CTSV: variants seen among roughly 807,000 people sequenced by gnomAD.
The protein encoded by CTSV is cathepsin V.
Under a neutral mutation model 35.6 loss-of-function variants are expected in CTSV, and 33 were observed. The observed-to-expected ratio is 0.93, with a 90% CI of 0.70 to 1.24. CTSV has a LOEUF of 1.24. Among genes scored for constraint, CTSV ranks in the 50% most tolerant of loss-of-function variants. CTSV has a pLI of 0.00. For missense variants in CTSV, 408 were observed against 413.1 expected, an observed-to-expected ratio of 0.99 and a Z score of 0.11; for synonymous variants, 154 against 147.1, an observed-to-expected ratio of 1.05 and a Z score of -0.34.
chr9:97,037,544 G>C lies in CTSV; in HGVS notation c.198C>G (p.Tyr66Ter), dbSNP rs147486049. 2 of 1,614,052 alleles carry C rather than the reference G, an allele frequency of 1.2e-6. No homozygotes were observed. The highest frequency in any genetic ancestry group is 2.7e-5 in the African/African-American group (2 of 74,908). ...MKMIELHNGEYSQGKHGFTMA... is the reference protein window; with the variant it reads ...MKMIELHNGE ...TTGTGAAGCCATGTTTCCCTTGGCT[G>C]TATTCCCCATTGTGCAGTTCAATCA... is the stretch of plus-strand genomic sequence containing the variant. The change falls in exon 3 of 8, where the codon TAC (tyrosine) becomes TAG (stop). Residue 66 changes from tyrosine to a stop codon, truncating the protein, a stop_gained. Coordinates refer to ENST00000259470, the MANE Select transcript of CTSV (RefSeq NM_001333.4). LOFTEE classifies it high-confidence loss of function.
chr9:97,033,587 G>T (rs1218950428), intron 7 of CTSV, among the ~76,000 whole-genome samples: 3 of 151,724 alleles, frequency 2.0e-5, no homozygotes, highest in African/African-American at 7.3e-5. Flanking sequence ...ACTTCAGCCT[G>T]GGCAAGAAGA....
At position 97,035,685 on chromosome 9, in the gene CTSV, G is replaced by A; in HGVS notation, c.630C>T (p.Ile210=). 6.6e-7 allele frequency: 1 copy of A among 1,519,320 alleles called. No individual in the cohort carries two copies. Among genetic ancestry groups the A allele is most frequent in the Non-Finnish European group, 8.9e-7 (1 of 1,127,618 alleles). The allele number at this position is 1,519,320 out of a possible 1,614,324, so 94.1% of individuals were successfully genotyped here. A position where few individuals can be genotyped will look rare whatever the true frequency, so the allele number is the denominator to read the frequency against. The change falls in exon 6 of 8, where the codon ATC becomes ATT. Residue 210 remains isoleucine (I), a synonymous_variant. Transcript: ENST00000259470. ...ESYPYVAVDE[I]CKYRPENSVA... ...CAGAATTCTCAGGTCTGTACTTACA[G>A]ATTTCATCCTTTTAAAGTTAAAGGG...
rs1007857690 is a variant in CTSV, at chr9:97,037,908, T to C, written c.126+10A>G. 8.1e-6 allele frequency: 13 copies of C among 1,613,650 alleles called. No homozygotes were observed. The African/African-American group carries it at 1.7e-4, about 22-fold the overall frequency. On this transcript the variant is annotated intron_variant, in intron 2 of 7. Transcript: ENST00000259470. ...CAGAGTCCCTCTGGACAGTTTCAGA[T>C]GTTACCAACCGCGCCATATAATCTT...
chr9:97,036,586 G>T lies in CTSV; in HGVS notation c.558C>A (p.Ala186=). 1 of 1,614,054 alleles carries T rather than the reference G, an allele frequency of 6.2e-7. No homozygotes were observed. Among genetic ancestry groups the T allele is most frequent in the Non-Finnish European group, 8.5e-7 (1 of 1,180,026 alleles). The change falls in exon 5 of 8, where the codon GCC becomes GCA. Residue 186 remains alanine (A), a synonymous_variant. Coordinates refer to ENST00000259470, the MANE Select transcript of CTSV (RefSeq NM_001333.4). The stretch of plus-strand genomic sequence containing the variant: ...CTCCGTTCTCCTTGACATACTGGAA[G>T]GCCCTAGCCATGAAGCCACCATTGC... ...QGCNGGFMAR[A]FQYVKENGGL...
chr9:97,035,692 T>G lies in CTSV; in HGVS notation c.623A>C (p.Asp208Ala), dbSNP rs1037620358. The stretch of plus-strand genomic sequence containing the variant: ...CTCAGGTCTGTACTTACAGATTTCA[T>G]CCTTTTAAAGTTAAAGGGGGAGAGA... ...SEESYPYVAVDEICKYRPENS... is the reference protein window; with the variant it reads ...SEESYPYVAVAEICKYRPENS... The change falls in exon 6 of 8, where the codon GAT becomes GCT. Residue 208 changes from aspartate (D) to alanine (A), a missense_variant and splice_region_variant. Physicochemically the swap from Asp to Ala is moderately radical, Grantham distance 126. Coordinates refer to ENST00000259470, the MANE Select transcript of CTSV (RefSeq NM_001333.4). 3.7e-5 allele frequency: 56 copies of G among 1,507,462 alleles called. No individual in the cohort carries two copies. The highest frequency in any genetic ancestry group is 5.0e-5 in the Non-Finnish European group (56 of 1,120,596). The allele number at this position is 1,507,462 out of a possible 1,614,324, so 93.4% of individuals were successfully genotyped here. A position where few individuals can be genotyped will look rare whatever the true frequency, so the allele number is the denominator to read the frequency against.
rs763552087 is a variant in CTSV, at chr9:97,034,784, C to T, written c.847G>A (p.Gly283Ser). 3.1e-6 allele frequency: 5 copies of T among 1,614,078 alleles called. No homozygotes were observed. The Admixed American group carries it at 6.7e-5, about 22-fold the overall frequency. ...GAATTTGCTCCTTCAAAGCCGTAGCCAACCACCAGAACACCATGATCCAGG... is the reference window on the plus strand; with the variant it reads ...GAATTTGCTCCTTCAAAGCCGTAGCTAACCACCAGAACACCATGATCCAGG... ...KNLDHGVLVV[G>S]YGFEGANSNN... Residue 283 changes from glycine to serine, a missense_variant, in exon 7 of 8, where the codon GGC becomes AGC. Coordinates refer to ENST00000259470, the MANE Select transcript of CTSV (RefSeq NM_001333.4).
chr9:97,037,896 G>A (rs764207073), intron 2 of CTSV, 22 bp downstream of exon 2: 9 of 1,612,050 alleles, frequency 5.6e-6, no homozygotes, highest in South Asian at 2.2e-5. Flanking sequence ...AGTCCCTCTG[G>A]ACAGTTTCAG....
intron 7 of CTSV, among the ~76,000 whole-genome samples, chr9:97,034,052 G>A (rs186043423): frequency 6.6e-6 from 1 of 152,274 alleles, no homozygotes; most frequent in East Asian, 1.9e-4. Flanking sequence ...AGCTGAGATC[G>A]TGCCACTGCA....
chr9:97,036,811 T>C (rs1232150760), intron 4 of CTSV, 64 bp from the exon 5 acceptor site: 16 of 1,309,308 alleles, frequency 1.2e-5, no homozygotes, highest in Admixed American at 5.0e-5. Flanking sequence ...TACCCCATAA[T>C]TGAATTACCT....
chr9:97,030,743 T>C lies in CTSV; in HGVS notation c.*2206A>G, dbSNP rs1217071487. On this transcript the variant is annotated 3_prime_UTR_variant, in exon 8 of 8. Coordinates refer to ENST00000259470, the MANE Select transcript of CTSV (RefSeq NM_001333.4). Reference sequence around the variant, plus strand: ...ATCGCTCATGCTATTGTTTGTAGTTTAGGAACGCCTTTAAGCCGTTTTCCC... The same window carrying C: ...ATCGCTCATGCTATTGTTTGTAGTTCAGGAACGCCTTTAAGCCGTTTTCCC... 1 of 152,244 alleles carries C rather than the reference T, an allele frequency of 6.6e-6. No individual in the cohort carries two copies. Among genetic ancestry groups the C allele is most frequent in the Admixed American group, 6.5e-5 (1 of 15,284 alleles). 9.4% of individuals were successfully genotyped at this position (152,244 alleles called of 1,614,324 possible).
chr9:97,034,107 TAAAC>T (rs1250645313), intron 7 of CTSV, among the ~76,000 whole-genome samples: 1 of 152,092 alleles, frequency 6.6e-6, no homozygotes, highest in Non-Finnish European at 1.5e-5. Flanking sequence ...AAAAAATAAA[TAAAC>T]AAATGAATGA....
intron 6 of CTSV, 140 bp from the exon 7 acceptor site, chr9:97,034,983 T>TA: frequency 1.6e-6 from 1 of 611,636 alleles, no homozygotes; most frequent in Non-Finnish European, 2.8e-6. Flanking sequence ...ACCCAAACAA[T>TA]ATTGGCCGGA....
At position 97,030,444 on chromosome 9, in the gene CTSV, A is replaced by C. The variant is rs971153423; in HGVS notation, c.*2505T>G. 2 of 152,182 alleles carry C rather than the reference A, an allele frequency of 1.3e-5. No individual in the cohort carries two copies. The highest frequency in any genetic ancestry group is 2.4e-5 in the African/African-American group (1 of 41,450). The allele number at this position is 152,182 out of a possible 1,614,324, so 9.4% of individuals were successfully genotyped here. ...TCGAGTATAGGAAATATTTGCCGAG[A>C]CCAGCTTGGTCATGGAGACCCTAAC... On this transcript the variant is annotated 3_prime_UTR_variant, in exon 8 of 8. Transcript: ENST00000259470.
intron 1 of CTSV, 96 bp downstream of exon 1, chr9:97,038,975 C>G (rs1250601478): frequency 3.3e-5 from 5 of 152,686 alleles, no homozygotes; most frequent in Admixed American, 2.6e-4. Context: ...AGCTCTCACT[C>G]CCAGAAGCGC....
chr9:97,037,685 C>T (rs1214814771), intron 2 of CTSV, 70 bp from the exon 3 acceptor site: 15 of 1,580,958 alleles, frequency 9.5e-6, no homozygotes, highest in African/African-American at 1.3e-5. Flanking sequence ...AGCCGATTTG[C>T]GGGCAGAAAT....
intron 3 of CTSV, 35 bp downstream of exon 3, chr9:97,037,458 G>A: frequency 6.2e-7 from 1 of 1,613,894 alleles, no homozygotes; most frequent in Non-Finnish European, 8.5e-7. Context: ...GAACTGAGAA[G>A]CAGCACAGAG....
intron 7 of CTSV, among the ~76,000 whole-genome samples, chr9:97,033,431 T>C (rs1322100794): frequency 7.1e-6 from 1 of 141,706 alleles, no homozygotes; most frequent in East Asian, 2.1e-4. Flanking sequence ...ACCAACATGG[T>C]GAAACCCTGC....
At chr9:97,039,550 T>C (rs1690529039), upstream of CTSV, 1 of 152,182 alleles carries the variant, frequency 6.6e-6, no homozygotes. Flanking sequence ...TCCTGTTTAG[T>C]CCACGGCAAA....
rs1828855101 is a variant in CTSV, at chr9:97,036,577, A to G, written c.567T>C (p.Tyr189=). Residue 189 remains tyrosine, a synonymous_variant, in exon 5 of 8, where the codon TAT becomes TAC. Transcript: ENST00000259470. ...NGGFMARAFQ[Y]VKENGGLDSE... is the part of the protein sequence containing the mutation. The stretch of plus-strand genomic sequence containing the variant: ...AGTCCAGGCCTCCGTTCTCCTTGAC[A>G]TACTGGAAGGCCCTAGCCATGAAGC... 6.2e-7 allele frequency: 1 copy of G among 1,614,114 alleles called. No individual in the cohort carries two copies. Among genetic ancestry groups the G allele is most frequent in the Non-Finnish European group, 8.5e-7 (1 of 1,180,014 alleles).
Sources: allele counts gnomAD v4.1 joint callset (sites outside exome capture counted in the v4.1 genomes callset), GRCh38; gene constraint gnomAD v4.1.1; transcripts MANE v1.5; gene names NCBI Gene and HGNC (gene_info 2026-07-23, HGNC 2026-07-21).